Variants in TUB observed in about 807,000 individuals in gnomAD.
TUB encodes tubby protein homolog.
In TUB, 33 loss-of-function variants were observed where a neutral mutation model predicts 59.7. The ratio of observed to expected loss-of-function variants is 0.55; its 90% CI spans 0.42 to 0.74. The LOEUF (loss-of-function observed/expected upper bound fraction) is 0.74, where lower values mean the gene tolerates loss of function less well. TUB is among the 30% of genes least tolerant of loss of function. TUB has a pLI of 0.00. For synonymous variants in TUB, 293 were observed against 256.4 expected, an observed-to-expected ratio of 1.14 and a Z score of -1.36; for missense variants, 659 against 672.0, an observed-to-expected ratio of 0.98 and a Z score of 0.21.
chr11:8,089,356 G>A (rs1050269592), intron 1 of TUB, among the ~76,000 whole-genome samples: 1 of 152,120 alleles, frequency 6.6e-6, no homozygotes, highest in African/African-American at 2.4e-5. Flanking sequence ...GGTCTCATCC[G>A]GTATTTACTG....
chr11:8,087,392 C>T (rs898076335), intron 1 of TUB, among the ~76,000 whole-genome samples: 2 of 152,200 alleles, frequency 1.3e-5, no homozygotes, highest in Admixed American at 6.5e-5. Flanking sequence ...GAGTGGCTTG[C>T]GACAACCTAG....
At chr11:8,091,749 C>T (rs1943783866) in intron 3 of TUB, among the ~76,000 whole-genome samples, 1 of 152,166 alleles carries the variant, frequency 6.6e-6, no homozygotes, top group South Asian at 2.1e-4. Flanking sequence ...ACAGAGGCAG[C>T]CCCAGCTGCT....
At chr11:8,076,882 T>G (rs567217825), upstream of TUB, 1 of 152,382 alleles carries the variant, frequency 6.6e-6, no homozygotes, top group African/African-American at 2.4e-5. Context: ...GCTTTTAATT[T>G]TACTAGTGGT....
chr11:8,021,123 ACTTCTCC>A (rs1309224486), intron 1 of TUB, among the ~76,000 whole-genome samples: 3 of 152,222 alleles, frequency 2.0e-5, no homozygotes, highest in Non-Finnish European at 1.5e-5. Flanking sequence ...TGGACAAATT[ACTTCTCC>A]CTGGGCCACA....
In TUB at chr11:8,101,763, C is replaced by G; in HGVS notation, c.*144C>G. ...TCAGTGGGCTCCCTGGCCCAGCCAG[C>G]CAGGAACTGGCTCCTTTGCCTCTGC... On this transcript the variant is annotated 3_prime_UTR_variant, in exon 12 of 12. Coordinates refer to ENST00000299506, the MANE Select transcript of TUB (RefSeq NM_177972.3). 3 of 1,407,614 alleles carry G rather than the reference C, an allele frequency of 2.1e-6. No homozygotes were observed. Among genetic ancestry groups the G allele is most frequent in the Non-Finnish European group, 2.8e-6 (3 of 1,068,440 alleles). The allele number at this position is 1,407,614 out of a possible 1,614,324, so 87.2% of individuals were successfully genotyped here.
chr11:8,039,728 G>A, intron 2 of TUB: 1 of 1,486,784 alleles, frequency 6.7e-7, no homozygotes, highest in Non-Finnish European at 9.0e-7. Flanking sequence ...CCGGCCCTGG[G>A]AAAGGGCCAA....
At chr11:8,089,548 T>C (rs1450003465) in intron 1 of TUB, 62 bp from the exon 2 acceptor site, 1 of 1,601,160 alleles carries the variant, frequency 6.2e-7, no homozygotes, top group Non-Finnish European at 8.5e-7. Flanking sequence ...GGGGGTGGGC[T>C]CTGGGCTGTA....
chr11:8,088,259 G>A (rs1943705797), intron 1 of TUB, among the ~76,000 whole-genome samples: 1 of 152,210 alleles, frequency 6.6e-6, no homozygotes, highest in South Asian at 2.1e-4. Flanking sequence ...TGGGCAGTCT[G>A]TGTTATGGGG....
intron 2 of TUB, among the ~76,000 whole-genome samples, chr11:8,059,621 G>T (rs1390526646): frequency 6.6e-6 from 1 of 152,138 alleles, no homozygotes; most frequent in Non-Finnish European, 1.5e-5. Flanking sequence ...AAGAAGTTCT[G>T]CGGGGAGATC....
upstream of TUB, among the ~76,000 whole-genome samples, chr11:8,037,189 C>G (rs958448045): frequency 6.6e-6 from 1 of 152,212 alleles, no homozygotes; most frequent in African/African-American, 2.4e-5. Context: ...GCGTGTGCCC[C>G]TTGCACTGAC....
chr11:8,026,473 T>TAA (rs35114711), intron 1 of TUB, among the ~76,000 whole-genome samples: 63,023 of 148,358 alleles, frequency 0.42, 14,722 homozygotes, highest in Middle Eastern at 0.56. Context: ...TGAGATTCAT[T>TAA]AAAAAAAAAA....
At chr11:8,082,595 C>T (rs34109578) in intron 1 of TUB, among the ~76,000 whole-genome samples, 4,641 of 152,270 alleles carry the variant, frequency 0.03, 97 homozygotes, top group Middle Eastern at 0.058. Flanking sequence ...CACGTGCTAG[C>T]GGACGGCAGG....
chr11:8,101,201 G>A (rs1944285098), intron 11 of TUB, among the ~76,000 whole-genome samples: 1 of 152,208 alleles, frequency 6.6e-6, no homozygotes, highest in South Asian at 2.1e-4. Flanking sequence ...CCTAGATTCT[G>A]TGTATTCAAC....
At chr11:8,089,554 C>CT in intron 1 of TUB, 56 bp from the exon 2 acceptor site, 1 of 1,596,258 alleles carries the variant, frequency 6.3e-7, no homozygotes, top group East Asian at 2.2e-5. Context: ...GGGCTCTGGG[C>CT]TGTATATCCT....
chr11:8,100,413 C>T (rs532846936), intron 9 of TUB, 90 bp from the exon 10 acceptor site: 4 of 994,624 alleles, frequency 4.0e-6, no homozygotes, highest in Admixed American at 3.9e-5. Flanking sequence ...ATGGTGGGAA[C>T]TAGCTCTTCC....
At chr11:8,092,116 C>G (rs951334726) in intron 3 of TUB, among the ~76,000 whole-genome samples, 2 of 152,352 alleles carry the variant, frequency 1.3e-5, no homozygotes, top group Admixed American at 1.3e-4. Context: ...TGTGGTACAA[C>G]TAGCGCCTCT....
chr11:8,097,695 C>A lies in TUB; in HGVS notation c.886-19C>A. Reference sequence around the variant, plus strand: ...ACCAGAGGCTGAGTCTGGAATATGACCTCATTCCACTCCCCAAGGTGTTCC... The same window carrying A: ...ACCAGAGGCTGAGTCTGGAATATGAACTCATTCCACTCCCCAAGGTGTTCC... On this transcript the variant is annotated intron_variant, in intron 7 of 11. Coordinates refer to ENST00000299506, the MANE Select transcript of TUB (RefSeq NM_177972.3). 6.3e-7 allele frequency: 1 copy of A among 1,587,846 alleles called. No individual in the cohort carries two copies. The highest frequency in any genetic ancestry group is 8.6e-7 in the Non-Finnish European group (1 of 1,157,936).
Position 8,100,531 on chromosome 11 carries a change from C to CT in TUB, c.1146dup (p.Arg383SerfsTer15), listed in dbSNP as rs1944231615. The CT allele has an allele frequency of 6.2e-7, 1 of 1,613,972 alleles. No individual in the cohort carries two copies. Reference sequence around the variant, plus strand: ...ACAAACGTCTTAGGCTTCAAGGGGCCTCGGAAGATGAGCGTGATTGTCCCA... The same window carrying CT: ...ACAAACGTCTTAGGCTTCAAGGGGCCTTCGGAAGATGAGCGTGATTGTCCCA... On this transcript the variant is annotated frameshift_variant, in exon 10 of 12. Transcript: ENST00000299506. LOFTEE classifies it high-confidence loss of function.
chr11:8,040,028 A>G (rs1489732944), intron 2 of TUB, among the ~76,000 whole-genome samples: 1 of 152,130 alleles, frequency 6.6e-6, no homozygotes, highest in Non-Finnish European at 1.5e-5. Context: ...CCTTCTCAGA[A>G]AGGAGGTGTC....
Sources: allele counts gnomAD v4.1 joint callset (sites outside exome capture counted in the v4.1 genomes callset), GRCh38; gene constraint gnomAD v4.1.1; transcripts MANE v1.5; gene names NCBI Gene and HGNC (gene_info 2026-07-23, HGNC 2026-07-21).